Variants in LGALS8 observed in about 807,000 individuals in gnomAD.
LGALS8 encodes galectin-8.
In LGALS8, 30 loss-of-function variants were observed where a neutral mutation model predicts 35.9. The ratio of observed to expected loss-of-function variants is 0.83; its 90% CI spans 0.62 to 1.13. LGALS8 has a LOEUF of 1.13. Among genes scored for constraint, LGALS8 ranks in the 50% most tolerant of loss-of-function variants. LGALS8 has a pLI of 0.00. For synonymous variants in LGALS8, 138 were observed against 136.1 expected (o/e 1.01, Z -0.10); for missense variants, 366 against 388.7 (o/e 0.94, Z 0.49).
At chr1:236,537,024 T>TTTTTTGTTTTTG (rs1180543695) in intron 2 of LGALS8, among the ~76,000 whole-genome samples, 6 of 140,630 alleles carry the variant, frequency 4.3e-5, no homozygotes, top group Non-Finnish European at 7.8e-5. Flanking sequence ...GCAGTTCCTT[T>TTTTTTGTTTTTG]TTTTTTTTTT....
At chr1:236,527,996 A>G (rs1454442124) in intron 2 of LGALS8, among the ~76,000 whole-genome samples, 1 of 152,132 alleles carries the variant, frequency 6.6e-6, no homozygotes, top group African/African-American at 2.4e-5. Context: ...TTGACCTCCA[A>G]AAGTGCTGGG....
In LGALS8 at chr1:236,548,003, TC is replaced by T; in HGVS notation, c.805-7del. 6.2e-7 allele frequency: 1 copy of T among 1,608,386 alleles called. No homozygotes were observed. Among genetic ancestry groups the T allele is most frequent in the Non-Finnish European group, 8.5e-7 (1 of 1,175,732 alleles). ...GGAACCACTAATGGCATGTATCCTT[TC>T]CTTTCAGATGATAATTTATTGTGAT... On this transcript the variant is annotated splice_polypyrimidine_tract_variant and splice_region_variant and intron_variant, in intron 9 of 9. Coordinates refer to ENST00000366584, the MANE Select transcript of LGALS8 (RefSeq NM_201544.4).
At chr1:236,547,135 C>G (rs947280152) in intron 9 of LGALS8, among the ~76,000 whole-genome samples, 1 of 152,224 alleles carries the variant, frequency 6.6e-6, no homozygotes, top group South Asian at 2.1e-4. Context: ...TCTTCTGAAG[C>G]CTTCATGGGG....
intron 3 of LGALS8, among the ~76,000 whole-genome samples, chr1:236,538,531 G>C (rs1661730553): frequency 6.6e-6 from 1 of 152,220 alleles, no homozygotes; most frequent in Admixed American, 6.5e-5. Context: ...TGGACAAAAG[G>C]CAAGTGCTTG....
In LGALS8 at chr1:236,533,898, C is replaced by A. The variant is rs558483638; in HGVS notation, c.46-3599C>A. Among the ~76,000 whole-genome samples, 3 of 152,336 alleles carry A rather than the reference C, an allele frequency of 2.0e-5. No individual in the cohort carries two copies. In the East Asian group the frequency reaches 5.8e-4, roughly 29 times the overall value. ...CTCTGCTACTCTACCAATGCCACTG[C>A]TGTCTCTGACCCCAGATGTAGCTCC... On this transcript the variant is annotated intron_variant, in intron 2 of 9. Coordinates refer to ENST00000366584, the MANE Select transcript of LGALS8 (RefSeq NM_201544.4).
Position 236,548,859 on chromosome 1 carries a change from G to C in LGALS8, c.*698G>C, listed in dbSNP as rs1662575824. The C allele has an allele frequency of 2.5e-6, 1 of 398,270 alleles. No homozygotes were observed. 24.7% of individuals were successfully genotyped at this position (398,270 alleles called of 1,614,324 possible). On this transcript the variant is annotated 3_prime_UTR_variant, in exon 10 of 10. Transcript: ENST00000366584. ...ATGACATCTGAGCACAGAAATTAAG[G>C]CAAAAAACCAAAGCAAAACAAATAC...
chr1:236,524,219 C>T (rs1293296510), intron 1 of LGALS8, 158 bp downstream of exon 1: 3 of 456,414 alleles, frequency 6.6e-6, no homozygotes, highest in South Asian at 4.6e-5. Flanking sequence ...ACCCGCCGGT[C>T]CTCACCGCGG....
Position 236,548,326 on chromosome 1 carries a change from G to A in LGALS8, c.*165G>A, listed in dbSNP as rs1662539145. Reference sequence around the variant, plus strand: ...CTCAGTCCTTGCCATGAAGTATGGTGGTGTCTAGCACTGAATGGGGAAACT... The same window carrying A: ...CTCAGTCCTTGCCATGAAGTATGGTAGTGTCTAGCACTGAATGGGGAAACT... On this transcript the variant is annotated 3_prime_UTR_variant, in exon 10 of 10. Transcript: ENST00000366584. The A allele has an allele frequency of 3.0e-6, 2 of 669,230 alleles. No homozygotes were observed. Among genetic ancestry groups the A allele is most frequent in the African/African-American group, 3.6e-5 (2 of 55,052 alleles). The allele number at this position is 669,230 out of a possible 1,614,324, so 41.5% of individuals were successfully genotyped here.
Position 236,527,568 on chromosome 1 carries a change from CTG to C in LGALS8, c.45+1454_45+1455del, listed in dbSNP as rs919055747. On this transcript the variant is annotated intron_variant, in intron 2 of 9. Transcript: ENST00000366584. Reference sequence around the variant, plus strand: ...TCGGAAAGGTTAGAGGTAGACTGAACTGAATGGCAAAAACATTTTGCGCTCTC... The same window carrying C: ...TCGGAAAGGTTAGAGGTAGACTGAACAATGGCAAAAACATTTTGCGCTCTC... Among the ~76,000 whole-genome samples the C allele has an allele frequency of 4.7e-4, 71 of 152,104 alleles. 1 individual carries two copies. Among genetic ancestry groups the C allele is most frequent in the African/African-American group, 1.7e-3 (69 of 41,488 alleles).
chr1:236,546,576 T>G (rs1222186223), intron 9 of LGALS8, among the ~76,000 whole-genome samples: 1 of 152,224 alleles, frequency 6.6e-6, no homozygotes, highest in African/African-American at 2.4e-5. Flanking sequence ...CAGATGGTTG[T>G]GAGGGATTCT....
At position 236,548,200 on chromosome 1, in the gene LGALS8, T is replaced by A. The variant is rs74151927; in HGVS notation, c.*39T>A. ...CTGCTACAAAAACCAAAATACAGAA[T>A]GGCTTCTGTGATACTGGCCTTGCTG... is the stretch of plus-strand genomic sequence containing the variant. On this transcript the variant is annotated 3_prime_UTR_variant, in exon 10 of 10. Coordinates refer to ENST00000366584, the MANE Select transcript of LGALS8 (RefSeq NM_201544.4). 385 of 1,572,374 alleles carry A rather than the reference T, an allele frequency of 2.4e-4. 1 individual carries two copies. In the African/African-American group the frequency reaches 4.8e-3, roughly 19 times the overall value.
At chr1:236,539,128 G>A in intron 4 of LGALS8, 39 bp downstream of exon 4, 1 of 1,513,444 alleles carries the variant, frequency 6.6e-7, no homozygotes, top group Non-Finnish European at 9.2e-7. Context: ...CCTCATTAGT[G>A]AGCAGGAGTG....
chr1:236,521,287 T>G (rs1383074336), upstream of LGALS8, among the ~76,000 whole-genome samples: 1 of 151,992 alleles, frequency 6.6e-6, no homozygotes, highest in Non-Finnish European at 1.5e-5. Flanking sequence ...TAAATATTGG[T>G]GGTCAGGAAG....
At position 236,544,891 on chromosome 1, in the gene LGALS8, AT is replaced by A; in HGVS notation, c.783del (p.Phe261LeufsTer9). On this transcript the variant is annotated frameshift_variant, in exon 9 of 10. Transcript: ENST00000366584. LOFTEE classifies it high-confidence loss of function. ...EEERNITSFPFSPGMYFEMII... is the reference protein window; with the variant it reads ...EEERNITSFPXSPGMYFEMII... Reference sequence around the variant, plus strand: ...AAGAGAGAAATATTACCTCTTTCCCATTTAGTCCTGGGATGTACTTTGAGGT... The same window carrying A: ...AAGAGAGAAATATTACCTCTTTCCCATTAGTCCTGGGATGTACTTTGAGGT... 6.2e-7 allele frequency: 1 copy of A among 1,612,610 alleles called. No homozygotes were observed. The highest frequency in any genetic ancestry group is 8.5e-7 in the Non-Finnish European group (1 of 1,179,384).
intron 2 of LGALS8, among the ~76,000 whole-genome samples, chr1:236,535,185 A>C (rs957465223): frequency 2.0e-5 from 3 of 151,910 alleles, no homozygotes; most frequent in Admixed American, 2.0e-4. Context: ...ATCGATGCTT[A>C]TTATAGACAT....
At chr1:236,527,707 A>G (rs1422233686) in intron 2 of LGALS8, among the ~76,000 whole-genome samples, 1 of 151,600 alleles carries the variant, frequency 6.6e-6, no homozygotes, top group African/African-American at 2.4e-5. Flanking sequence ...AAGGCTGTAA[A>G]TAACTTATTT....
intron 7 of LGALS8, 61 bp from the exon 8 acceptor site, chr1:236,543,499 G>A (rs1455927493): frequency 1.3e-5 from 16 of 1,200,844 alleles, no homozygotes; most frequent in Middle Eastern, 1.9e-4. Flanking sequence ...CTTTGGACAC[G>A]AGTTTTCCCT....
At chr1:236,535,101 G>A (rs1408146553) in intron 2 of LGALS8, among the ~76,000 whole-genome samples, 1 of 143,598 alleles carries the variant, frequency 7.0e-6, no homozygotes, top group African/African-American at 2.6e-5. Flanking sequence ...GGAATAGATT[G>A]TTTTGTCTCA....
chr1:236,523,238 T>C (rs1660608363), upstream of LGALS8: 1 of 152,206 alleles, frequency 6.6e-6, no homozygotes, highest in South Asian at 2.1e-4. Context: ...GTTCCCTAAG[T>C]GTCCAATTTG....
Sources: gnomAD v4.1 joint callset for allele counts (sites outside exome capture counted in the v4.1 genomes callset) on GRCh38, gnomAD v4.1.1 for gene constraint, MANE v1.5 for transcripts, NCBI Gene and HGNC (gene_info 2026-07-23, HGNC 2026-07-21) for gene names.